NDUFAF7: variants seen among roughly 807,000 people sequenced by gnomAD.
NDUFAF7 encodes protein arginine methyltransferase NDUFAF7, mitochondrial.
A neutral mutation model predicts 47.2 loss-of-function variants in NDUFAF7; 48 were observed. That is an observed-to-expected ratio of 1.02 (90% CI 0.81 to 1.29). The LOEUF (loss-of-function observed/expected upper bound fraction) is 1.29, where lower values mean the gene tolerates loss of function less well. NDUFAF7 is among the 50% of genes most tolerant of loss of function. The pLI is 0.00. For missense variants in NDUFAF7, 635 were observed against 537.6 expected (o/e 1.18, Z -1.79); for synonymous variants, 217 against 190.0 (o/e 1.14, Z -1.17).
downstream of NDUFAF7, among the ~76,000 whole-genome samples, chr2:37,255,383 T>C (rs561002588): frequency 3.9e-5 from 6 of 152,332 alleles, no homozygotes; most frequent in East Asian, 1.2e-3. Flanking sequence ...ACTGGTTCTA[T>C]TAACTTCTAT....
intron 4 of NDUFAF7, among the ~76,000 whole-genome samples, chr2:37,240,185 C>G (rs990911308): frequency 6.6e-6 from 1 of 152,126 alleles, no homozygotes; most frequent in Non-Finnish European, 1.5e-5. Context: ...AATCGCAGCA[C>G]TTTGGGAGTT....
At chr2:37,249,499 C>G (rs145786899), downstream of NDUFAF7, among the ~76,000 whole-genome samples, 1 of 151,290 alleles carries the variant, frequency 6.6e-6, no homozygotes, top group Non-Finnish European at 1.5e-5. Flanking sequence ...ATCGCTTGAA[C>G]CCGGGAGGCG....
intron 2 of NDUFAF7, among the ~76,000 whole-genome samples, chr2:37,232,551 G>C (rs1422241534): frequency 6.6e-6 from 1 of 152,222 alleles, no homozygotes; most frequent in Non-Finnish European, 1.5e-5. Flanking sequence ...CTACTTGGCT[G>C]ATGGTGGGTG....
At chr2:37,268,477 C>T in the NDUFAF7 span, 5 of 382,904 alleles carry the variant, frequency 1.3e-5, no homozygotes, top group Admixed American at 1.0e-4. Flanking sequence ...CAAAGAAGAT[C>T]CAGACATCTC....
the NDUFAF7 span, among the ~76,000 whole-genome samples, chr2:37,271,202 A>C: frequency 6.6e-6 from 1 of 152,234 alleles, no homozygotes; most frequent in Non-Finnish European, 1.5e-5. Context: ...ACAATTTAAC[A>C]ATTTTCTGAC....
chr2:37,248,058 A>C lies in NDUFAF7; in HGVS notation c.1111-77A>C, dbSNP rs183610131. 230 of 1,138,424 alleles carry C rather than the reference A, an allele frequency of 2.0e-4. 1 individual carries two copies. The African/African-American group carries it at 3.4e-3, about 17-fold the overall frequency. The allele number at this position is 1,138,424 out of a possible 1,614,324, so 70.5% of individuals were successfully genotyped here. On this transcript the variant is annotated intron_variant, in intron 9 of 9. Coordinates refer to ENST00000002125, the MANE Select transcript of NDUFAF7 (RefSeq NM_144736.5). ...GAGTGCTGTTTTATTGGAATATTTGAGAGTCATTAGTATTGCTGCATGTAA... is the reference window on the plus strand; with the variant it reads ...GAGTGCTGTTTTATTGGAATATTTGCGAGTCATTAGTATTGCTGCATGTAA...
the NDUFAF7 span, among the ~76,000 whole-genome samples, chr2:37,262,027 G>A: frequency 6.6e-6 from 1 of 152,198 alleles, no homozygotes; most frequent in Non-Finnish European, 1.5e-5. Flanking sequence ...TGTGCTTAAG[G>A]TAGGCTACAC....
the NDUFAF7 span, among the ~76,000 whole-genome samples, chr2:37,259,957 G>C: frequency 2.0e-5 from 3 of 152,116 alleles, no homozygotes; most frequent in Non-Finnish European, 4.4e-5. Flanking sequence ...TTGAGGCAAG[G>C]AGTTCGAGAC....
the NDUFAF7 span, among the ~76,000 whole-genome samples, chr2:37,259,995 G>A: frequency 1.3e-5 from 2 of 151,854 alleles, no homozygotes; most frequent in African/African-American, 4.8e-5. Flanking sequence ...TGAAACCCCA[G>A]CTCTACTAAA....
intron 3 of NDUFAF7, 21 bp from the exon 4 acceptor site, chr2:37,237,734 GTT>G (rs368987177): frequency 7.7e-7 from 1 of 1,305,286 alleles, no homozygotes; most frequent in Non-Finnish European, 1.1e-6. Flanking sequence ...TTTAATATGT[GTT>G]TTTTTTTTCC....
At chr2:37,253,015 T>C (rs574122387), downstream of NDUFAF7, 14 of 601,024 alleles carry the variant, frequency 2.3e-5, no homozygotes, top group Non-Finnish European at 3.6e-5. Flanking sequence ...GTTTCCCGCC[T>C]GTACCTACTC....
chr2:37,253,631 C>T (rs1266853262), downstream of NDUFAF7, among the ~76,000 whole-genome samples: 1 of 152,146 alleles, frequency 6.6e-6, no homozygotes, highest in Non-Finnish European at 1.5e-5. Context: ...ATAATAATCA[C>T]TAAAACATTT....
chr2:37,254,040 A>G (rs1667738529), downstream of NDUFAF7, among the ~76,000 whole-genome samples: 1 of 152,214 alleles, frequency 6.6e-6, no homozygotes, highest in Admixed American at 6.5e-5. Context: ...GTCATTACCG[A>G]TCTGAATGCT....
the NDUFAF7 span, chr2:37,267,731 T>C: frequency 2.0e-6 from 1 of 507,504 alleles, no homozygotes; most frequent in Non-Finnish European, 3.4e-6. Context: ...TATTTGCCCC[T>C]AATAAAGTCA....
rs1375355580 is a variant in NDUFAF7 at position 37,231,996 on chromosome 2, G to T, written c.56-110G>T. The T allele has an allele frequency of 2.5e-6, 4 of 1,603,402 alleles. No homozygotes were observed. The African/African-American group carries it at 4.0e-5, about 16-fold the overall frequency. On this transcript the variant is annotated intron_variant, in intron 1 of 9. Transcript: ENST00000002125. ...CTAAGCACAGTAGCCCGCGGTCTGC[G>T]GTGGGGCGAGGTTAAGGGTTCACGA...
chr2:37,237,917 C>A, intron 4 of NDUFAF7, 50 bp downstream of exon 4: 1 of 1,275,226 alleles, frequency 7.8e-7, no homozygotes, highest in Non-Finnish European at 1.1e-6. Flanking sequence ...AATTTTAGTA[C>A]TTCTGAGTGT....
At chr2:37,231,985 C>T in intron 1 of NDUFAF7, 121 bp from the exon 2 acceptor site, 1 of 1,602,226 alleles carries the variant, frequency 6.2e-7, no homozygotes, top group Non-Finnish European at 8.5e-7. Flanking sequence ...GCACAGTAGC[C>T]CGCGGTCTGC....
chr2:37,246,089 A>T lies in NDUFAF7; in HGVS notation c.830A>T (p.Asp277Val). The T allele has an allele frequency of 6.2e-7, 1 of 1,613,904 alleles. No individual in the cohort carries two copies. The highest frequency in any genetic ancestry group is 1.3e-5 in the African/African-American group (1 of 75,046). The part of the protein sequence containing the change: ...ETRDHVEVCP[D>V]AGVIIEELSQ... Reference sequence around the variant, plus strand: ...AGGGATCATGTTGAAGTGTGTCCTGATGCTGGTGTTATCATCGAGGAACTT... The same window carrying T: ...AGGGATCATGTTGAAGTGTGTCCTGTTGCTGGTGTTATCATCGAGGAACTT... Residue 277 changes from aspartate (D) to valine (V), a missense_variant, in exon 8 of 10, where the codon GAT (aspartate) becomes GTT (valine). By Grantham distance (152) the Asp-to-Val change is radical. Transcript: ENST00000002125.
At chr2:37,259,136 T>A in the NDUFAF7 span, among the ~76,000 whole-genome samples, 1 of 152,156 alleles carries the variant, frequency 6.6e-6, no homozygotes, top group East Asian at 1.9e-4. Flanking sequence ...CCATTGTGTG[T>A]ATGTGTGGTG....
Sources: gnomAD v4.1 joint callset for allele counts (sites outside exome capture counted in the v4.1 genomes callset) on GRCh38, gnomAD v4.1.1 for gene constraint, MANE v1.5 for transcripts, NCBI Gene and HGNC (gene_info 2026-07-23, HGNC 2026-07-21) for gene names.